SETX: variants seen among roughly 807,000 people sequenced by gnomAD.
SETX encodes the protein senataxin.
Under a neutral mutation model 227.2 loss-of-function variants are expected in SETX, and 90 were observed. The ratio of observed to expected loss-of-function variants is 0.40; its 90% confidence interval spans 0.33 to 0.47. SETX has a LOEUF of 0.47. Ranked by LOEUF, SETX falls within the 20% of genes least tolerant of loss-of-function variation. The pLI is 0.91. For missense variants in SETX, 3,052 were observed against 3,181.5 expected (o/e 0.96, Z 0.98); for synonymous variants, 1,210 against 1,113.2 (o/e 1.09, Z -1.73).
intron 7 of SETX, among the ~76,000 whole-genome samples, chr9:132,331,798 A>AC (rs1434183961): frequency 6.6e-6 from 1 of 152,172 alleles, no homozygotes; most frequent in African/African-American, 2.4e-5. Context: ...CAGCTCCTCA[A>AC]CCCCTGCCAA....
chr9:132,341,503 G>C (rs528788), intron 5 of SETX, among the ~76,000 whole-genome samples: 151,840 of 152,286 alleles, frequency 1, 75,700 homozygotes, highest in East Asian at 1. Context: ...ATCCATCCTT[G>C]AGAGTCCTGC....
chr9:132,346,620 T>C, intron 3 of SETX, 149 bp from the exon 4 acceptor site: 1 of 670,682 alleles, frequency 1.5e-6, no homozygotes, highest in East Asian at 2.7e-5. Flanking sequence ...AGAAAACTAT[T>C]CAAATGTGGC....
intron 19 of SETX, 46 bp downstream of exon 19, chr9:132,283,218 C>A (rs1843641058): frequency 6.2e-7 from 1 of 1,606,784 alleles, no homozygotes; most frequent in Non-Finnish European, 8.5e-7. Flanking sequence ...CTAAGACTTA[C>A]TCCTCATAGT....
rs148814247 is a variant in SETX at position 132,310,467 on chromosome 9, A to C, written c.5374+1290T>G. On this transcript the variant is annotated intron_variant, in intron 11 of 25. Coordinates refer to ENST00000224140, the MANE Select transcript of SETX (RefSeq NM_015046.7). ...ATGGGTGATCATAGTAGCATTATTC[A>C]TAACATGCTGTGCAGAAAAGAGTTA... Among the ~76,000 whole-genome samples, 409 of 152,360 alleles carry C rather than the reference A, an allele frequency of 2.7e-3. 1 individual carries two copies. Among genetic ancestry groups the C allele is most frequent in the Non-Finnish European group, 4.5e-3 (308 of 68,030 alleles).
intron 10 of SETX, among the ~76,000 whole-genome samples, chr9:132,321,663 A>AC (rs1432118010): frequency 6.7e-6 from 1 of 148,330 alleles, no homozygotes; most frequent in African/African-American, 2.5e-5. Flanking sequence ...TCAAAAAAAA[A>AC]AAAAAAAAAA....
Position 132,326,319 on chromosome 9 carries a change from C to G in SETX, c.5274+5G>C, listed in dbSNP as rs192596579. 1 of 1,574,356 alleles carries G rather than the reference C, an allele frequency of 6.4e-7. No homozygotes were observed. Among genetic ancestry groups the G allele is most frequent in the Non-Finnish European group, 8.7e-7 (1 of 1,146,390 alleles). ...GAGAGGCATACAAATGAAACACATA[C>G]TTACTGTTTCAAAAGTATTCAATAC... On this transcript the variant is annotated splice_donor_5th_base_variant and intron_variant, in intron 10 of 25. Coordinates refer to ENST00000224140, the MANE Select transcript of SETX (RefSeq NM_015046.7).
intron 25 of SETX, among the ~76,000 whole-genome samples, chr9:132,265,769 T>G (rs1842617330): frequency 6.6e-6 from 1 of 152,200 alleles, no homozygotes; most frequent in Non-Finnish European, 1.5e-5. Context: ...TCTAGAGTAC[T>G]GCCTACACCT....
intron 11 of SETX, among the ~76,000 whole-genome samples, chr9:132,307,264 T>A (rs2131336734): frequency 6.6e-6 from 1 of 151,908 alleles, no homozygotes; most frequent in African/African-American, 2.4e-5. Context: ...AAAAAAATAA[T>A]AATAATAATA....
At chr9:132,313,168 A>G (rs1004403565) in intron 10 of SETX, among the ~76,000 whole-genome samples, 2 of 152,214 alleles carry the variant, frequency 1.3e-5, no homozygotes, top group African/African-American at 2.4e-5. Flanking sequence ...TGATGGCTAT[A>G]CAACTATAAA....
At position 132,264,771 on chromosome 9, in the gene SETX, T is replaced by C. The variant is rs1842555928; in HGVS notation, c.7502A>G (p.Lys2501Arg). 4 of 1,614,224 alleles carry C rather than the reference T, an allele frequency of 2.5e-6. No homozygotes were observed. The highest frequency in any genetic ancestry group is 3.4e-6 in the Non-Finnish European group (4 of 1,180,034). ...GTATAGAGAAGCAGCAACAGATGTC[T>C]TGGCAAATCCACTGTCTAGCTTGCT... Reference protein sequence around the residue: ...PSSKLDSGFAKTSVAASLYHT... With the variant: ...PSSKLDSGFARTSVAASLYHT... The change falls in exon 26 of 26, where the codon AAG (lysine) becomes AGG (arginine). Residue 2501 changes from lysine (K) to arginine (R), a missense_variant. This residue lies in a region of SETX where 294 missense variants were observed against 278.8 expected (regional missense o/e 1.05). Transcript: ENST00000224140.
At chr9:132,339,148 T>C (rs1847818812) in intron 5 of SETX, among the ~76,000 whole-genome samples, 1 of 152,200 alleles carries the variant, frequency 6.6e-6, no homozygotes, top group Non-Finnish European at 1.5e-5. Flanking sequence ...ATAGTCAAGT[T>C]CATCAACTTT....
At position 132,264,623 on chromosome 9, in the gene SETX, T is replaced by C; in HGVS notation, c.7650A>G (p.Lys2550=). The stretch of plus-strand genomic sequence containing the variant: ...GTGGATCCCAAAGGAATATTCCTCC[T>C]TTGACCTCAATGCCCATCCTCTTCA... ...RLLKRMGIEV[K]GGIFLWDPQP... Residue 2550 remains lysine (K), a synonymous_variant, in exon 26 of 26, where the codon AAA becomes AAG. Coordinates refer to ENST00000224140, the MANE Select transcript of SETX (RefSeq NM_015046.7). 1 of 1,614,230 alleles carries C rather than the reference T, an allele frequency of 6.2e-7. No individual in the cohort carries two copies. The highest frequency in any genetic ancestry group is 8.5e-7 in the Non-Finnish European group (1 of 1,180,038).
Position 132,327,565 on chromosome 9 carries a change from T to C in SETX, c.4033A>G (p.Ser1345Gly). ...SVRNNKKLLT[S>G]QELQMQRQIR... ...TGCCTTTGCATCTGAAGTTCTTGAC[T>C]AGTCAGAAGTTTCTTATTATTTCTG... Residue 1345 changes from serine (S) to glycine (G), a missense_variant, in exon 10 of 26, where the codon AGT (serine) becomes GGT (glycine). Physicochemically the swap from Ser to Gly is moderately conservative, Grantham distance 56. Coordinates refer to ENST00000224140, the MANE Select transcript of SETX (RefSeq NM_015046.7). 1 of 1,614,142 alleles carries C rather than the reference T, an allele frequency of 6.2e-7. No homozygotes were observed. The highest frequency in any genetic ancestry group is 8.5e-7 in the Non-Finnish European group (1 of 1,180,038).
chr9:132,264,549 G>A lies in SETX; in HGVS notation c.7724C>T (p.Pro2575Leu), dbSNP rs34000644. The A allele has an allele frequency of 5.5e-4, 880 of 1,613,968 alleles. 5 individuals carry two copies. In the African/African-American group the frequency reaches 9.7e-3, roughly 18 times the overall value. Residue 2575 changes from proline to leucine, a missense_variant, in exon 26 of 26, where the codon CCG becomes CTG. Around this residue, in one of 10 missense-constraint regions of SETX, gnomAD observed 294 missense variants for 278.8 expected, o/e 1.05. Transcript: ENST00000224140. ...GTCCTGGTGAACGACAGGGAAGCCC[G>A]GCTCGCCCGTAGGAGGTGTTGCTCC... Reference protein sequence around the residue: ...HPGATPPTGEPGFPVVHQDLS... With the variant: ...HPGATPPTGELGFPVVHQDLS...
rs1844792958 is a variant in SETX, at chr9:132,298,292, A to G, written c.5569T>C (p.Cys1857Arg). The change falls in exon 13 of 26, where the codon TGT (cysteine) becomes CGT (arginine). Residue 1857 changes from cysteine (C) to arginine (R), a missense_variant. This residue lies in a region of SETX where 239 missense variants were observed against 272.1 expected (regional missense o/e 0.88). Transcript: ENST00000224140. The part of the protein sequence containing the change: ...TSVMRNGKTE[C>R]YLSIQTQENF... Reference sequence around the variant, plus strand: ...TCTTGAGTCTGGATGGAAAGGTAACACTCAGTTTTCCCATTACGCACTATC... The same window carrying G: ...TCTTGAGTCTGGATGGAAAGGTAACGCTCAGTTTTCCCATTACGCACTATC... 3 of 1,613,888 alleles carry G rather than the reference A, an allele frequency of 1.9e-6. No homozygotes were observed. The highest frequency in any genetic ancestry group is 2.2e-5 in the South Asian group (2 of 91,082).
chr9:132,267,613 C>T (rs528035679), intron 25 of SETX, among the ~76,000 whole-genome samples: 11 of 152,204 alleles, frequency 7.2e-5, no homozygotes, highest in African/African-American at 2.4e-4. Context: ...GCTGACATGT[C>T]GGGAAGTTTC....
At chr9:132,278,515 C>T (rs1364261292) in intron 20 of SETX, among the ~76,000 whole-genome samples, 3 of 127,202 alleles carry the variant, frequency 2.4e-5, no homozygotes, top group African/African-American at 8.5e-5. Context: ...AGTGCAGTGG[C>T]GTGATCTCAG....
rs1193051004 is a variant in SETX at position 132,271,905 on chromosome 9, C to G, written c.7101-97G>C. The G allele has an allele frequency of 9.3e-6, 9 of 967,390 alleles. No individual in the cohort carries two copies. The Admixed American group carries it at 1.0e-4, about 11-fold the overall frequency. The allele number at this position is 967,390 out of a possible 1,614,324, so 59.9% of individuals were successfully genotyped here. A position where few individuals can be genotyped will look rare whatever the true frequency, so the allele number is the denominator to read the frequency against. On this transcript the variant is annotated intron_variant, in intron 23 of 25. Transcript: ENST00000224140. ...GTTTTTTGGTTTTTTTTTTTTGAGA[C>G]GGAGTCTCACTCTGTCGCCCAGGCT...
chr9:132,328,603 T>C lies in SETX; in HGVS notation c.2995A>G (p.Thr999Ala), dbSNP rs1353557568. Residue 999 changes from threonine to alanine, a missense_variant, in exon 10 of 26, where the codon ACA becomes GCA. By Grantham distance (58) the Thr-to-Ala change is moderately conservative. Around this residue, in one of 10 missense-constraint regions of SETX, gnomAD observed 1,483 missense variants for 1,312.0 expected, o/e 1.13. Coordinates refer to ENST00000224140, the MANE Select transcript of SETX (RefSeq NM_015046.7). The part of the protein sequence containing the change: ...RKVKEDKRCF[T>A]ANQNNVGDTS... The stretch of plus-strand genomic sequence containing the variant: ...TCTCCAACATTATTTTGGTTAGCTG[T>C]GAAACATCTTTTATCTTCTTTTACT... 6.2e-7 allele frequency: 1 copy of C among 1,613,764 alleles called. No homozygotes were observed. Among genetic ancestry groups the C allele is most frequent in the Non-Finnish European group, 8.5e-7 (1 of 1,179,890 alleles).
Sources: gnomAD v4.1 joint callset for allele counts (sites outside exome capture counted in the v4.1 genomes callset) on GRCh38, gnomAD v4.1.1 for gene constraint, gnomAD v4.1.1 regional missense constraint, MANE v1.5 for transcripts, NCBI Gene and HGNC (gene_info 2026-07-23, HGNC 2026-07-21) for gene names.